Variants in STOX2 observed in about 807,000 individuals in gnomAD.
STOX2 encodes the protein storkhead-box protein 2.
STOX2 carries 28 observed loss-of-function variants against 60.9 expected under a neutral mutation model. That is an observed-to-expected ratio of 0.46 (90% CI 0.34 to 0.63). The LOEUF is 0.63. STOX2 is among the 30% of genes least tolerant of loss of function. The pLI is 0.01. For synonymous variants in STOX2, 472 were observed against 463.9 expected (o/e 1.02, Z -0.22); for missense variants, 1,024 against 1,187.7 (o/e 0.86, Z 2.03).
intron 1 of STOX2, among the ~76,000 whole-genome samples, chr4:183,814,011 TTGTAATA>T (rs1304944659): frequency 6.6e-6 from 1 of 152,236 alleles, no homozygotes; most frequent in Non-Finnish European, 1.5e-5. Context: ...TTTGGAATAT[TTGTAATA>T]TTGTCTTAGA....
At chr4:183,846,024 A>G (rs1223072872) in intron 1 of STOX2, among the ~76,000 whole-genome samples, 2 of 152,168 alleles carry the variant, frequency 1.3e-5, no homozygotes, top group African/African-American at 2.4e-5. Context: ...GTTTTTGTCT[A>G]TCTTGGAATG....
At chr4:183,861,785 A>G (rs1740453742) in intron 1 of STOX2, among the ~76,000 whole-genome samples, 1 of 152,168 alleles carries the variant, frequency 6.6e-6, no homozygotes, top group South Asian at 2.1e-4. Context: ...TCCTATATTT[A>G]TGATTATCTA....
intron 1 of STOX2, among the ~76,000 whole-genome samples, chr4:183,883,915 G>A (rs1741016093): frequency 6.6e-6 from 1 of 151,120 alleles, no homozygotes; most frequent in Admixed American, 6.6e-5. Flanking sequence ...GCAGTGGTGC[G>A]ATCTCATCTC....
At chr4:183,959,509 C>G (rs1743352692) in intron 1 of STOX2, among the ~76,000 whole-genome samples, 1 of 152,152 alleles carries the variant, frequency 6.6e-6, no homozygotes. Flanking sequence ...TTTTGGTGAT[C>G]AAATCTAAAA....
chr4:183,818,683 C>T (rs972322547), intron 1 of STOX2, among the ~76,000 whole-genome samples: 16 of 151,020 alleles, frequency 1.1e-4, no homozygotes, highest in African/African-American at 1.9e-4. Context: ...CGGGCAGAGG[C>T]GCCCCCCACC....
chr4:183,994,065 G>C (rs1315635666), intron 1 of STOX2, among the ~76,000 whole-genome samples: 1 of 152,196 alleles, frequency 6.6e-6, no homozygotes, highest in Admixed American at 6.5e-5. Flanking sequence ...ATTTGTCTGA[G>C]GCGCTGCATC....
intron 1 of STOX2, among the ~76,000 whole-genome samples, chr4:183,969,626 GT>G (rs36043193): frequency 2.0e-5 from 3 of 148,094 alleles, no homozygotes; most frequent in South Asian, 2.2e-4. Context: ...GGGTTGCAGG[GT>G]TTTTTTTTTG....
intron 1 of STOX2, among the ~76,000 whole-genome samples, chr4:183,841,014 C>T (rs1336162924): frequency 1.3e-5 from 2 of 152,064 alleles, no homozygotes. Flanking sequence ...ATTACAGGTG[C>T]ACACCACTAC....
intron 1 of STOX2, among the ~76,000 whole-genome samples, chr4:183,924,645 T>C (rs542246022): frequency 1.3e-5 from 2 of 152,250 alleles, no homozygotes; most frequent in South Asian, 4.2e-4. Flanking sequence ...TGTTGGGATT[T>C]GCATGAGAGG....
chr4:184,009,675 G>A lies in STOX2; in HGVS notation c.837G>A (p.Lys279=), dbSNP rs1321560853. 2 of 1,613,780 alleles carry A rather than the reference G, an allele frequency of 1.2e-6. No homozygotes were observed. Among genetic ancestry groups the A allele is most frequent in the African/African-American group, 2.7e-5 (2 of 75,016 alleles). ...TCCGGTTAAGTTTTAAAAAAGACAA[G>A]ACCAAACAGCTGGCCAATTTTTCTG... ...KLFRLSFKKD[K]TKQLANFSAQ... Residue 279 remains lysine (K), a synonymous_variant, in exon 3 of 4, where the codon AAG becomes AAA. Transcript: ENST00000308497. The surrounding 1 kb of genome is among the most constrained non-coding windows in gnomAD (Gnocchi z 4.0).
chr4:183,971,705 A>T (rs1743747327), intron 1 of STOX2, among the ~76,000 whole-genome samples: 1 of 152,250 alleles, frequency 6.6e-6, no homozygotes, highest in Admixed American at 6.5e-5. Context: ...ACTTGTAAAA[A>T]ATCTCAATGG....
chr4:183,973,967 C>T (rs1732336351), intron 1 of STOX2, among the ~76,000 whole-genome samples: 1 of 152,160 alleles, frequency 6.6e-6, no homozygotes, highest in Admixed American at 6.5e-5. Flanking sequence ...GCGCTCCAGC[C>T]TGGTGATAGA....
intron 1 of STOX2, among the ~76,000 whole-genome samples, chr4:183,823,557 G>A (rs1158868468): frequency 2.0e-5 from 3 of 152,202 alleles, no homozygotes; most frequent in Non-Finnish European, 4.4e-5. Flanking sequence ...AGACCTGGAA[G>A]ATGAGGGAAT....
intron 1 of STOX2, among the ~76,000 whole-genome samples, chr4:183,834,592 C>G (rs575702838): frequency 1.3e-5 from 2 of 152,132 alleles, no homozygotes; most frequent in African/African-American, 4.8e-5. Flanking sequence ...GCTGTTGGCT[C>G]TACATTCTAT....
rs1200592199 is a variant in STOX2 at position 184,019,253 on chromosome 4, A to T, written c.*1969A>T. On this transcript the variant is annotated 3_prime_UTR_variant, in exon 4 of 4. Coordinates refer to ENST00000308497, the MANE Select transcript of STOX2 (RefSeq NM_020225.3). ...CTTAAGCCAGTTGGCTTTCAGTCTC[A>T]TGCCTTATTTCCTCCAAGGCATGCC... The T allele has an allele frequency of 6.6e-6, 1 of 152,214 alleles. No individual in the cohort carries two copies. Among genetic ancestry groups the T allele is most frequent in the Non-Finnish European group, 1.5e-5 (1 of 68,040 alleles). 9.4% of individuals were successfully genotyped at this position (152,214 alleles called of 1,614,324 possible). A position where few individuals can be genotyped will look rare whatever the true frequency, so the allele number is the denominator to read the frequency against.
intron 1 of STOX2, among the ~76,000 whole-genome samples, chr4:183,826,594 A>G (rs1039856405): frequency 2.0e-5 from 3 of 152,238 alleles, no homozygotes; most frequent in African/African-American, 4.8e-5. Flanking sequence ...AGAACTTGGT[A>G]TCACACAGTC....
At chr4:183,928,819 C>CA (rs372774067) in intron 1 of STOX2, among the ~76,000 whole-genome samples, 2,780 of 144,566 alleles carry the variant, frequency 0.019, 22 homozygotes, top group Middle Eastern at 0.024. Flanking sequence ...AAAAAACAAA[C>CA]AAAAAAAAAA....
intron 1 of STOX2, among the ~76,000 whole-genome samples, chr4:183,870,534 A>T (rs892342125): frequency 1.3e-5 from 2 of 152,242 alleles, no homozygotes; most frequent in African/African-American, 2.4e-5. Flanking sequence ...TTATTGGGAC[A>T]ATGCATTCTA....
intron 1 of STOX2, among the ~76,000 whole-genome samples, chr4:183,979,571 A>T (rs961326958): frequency 1.3e-5 from 2 of 152,214 alleles, no homozygotes; most frequent in African/African-American, 4.8e-5. Context: ...ACATGTAGCT[A>T]TTGAGCACTT....
Sources: allele counts gnomAD v4.1 joint callset (sites outside exome capture counted in the v4.1 genomes callset), GRCh38; gene constraint gnomAD v4.1.1; non-coding constraint Gnocchi (gnomAD v3.1); transcripts MANE v1.5; gene names NCBI Gene and HGNC (gene_info 2026-07-23, HGNC 2026-07-21).